The following ANKS1A variants were observed in gnomAD, a reference collection of about 807,000 sequenced individuals.
The protein encoded by ANKS1A is ankyrin repeat and sterile alpha motif domain containing 1A.
A neutral mutation model predicts 120.3 loss-of-function variants in ANKS1A; 55 were observed. That is an observed-to-expected ratio of 0.46 (90% confidence interval 0.37 to 0.57). The LOEUF (loss-of-function observed/expected upper bound fraction) is 0.57, where lower values mean the gene tolerates loss of function less well. ANKS1A is among the 20% of genes least tolerant of loss of function. The pLI is 0.00. For missense variants in ANKS1A, 1,123 were observed against 1,480.3 expected, an observed-to-expected ratio of 0.76 and a Z score of 3.96; for synonymous variants, 590 against 604.7, an observed-to-expected ratio of 0.98 and a Z score of 0.36.
chr6:34,898,018 G>A (rs930981594), intron 1 of ANKS1A, among the ~76,000 whole-genome samples: 1 of 152,044 alleles, frequency 6.6e-6, no homozygotes, highest in Non-Finnish European at 1.5e-5. Flanking sequence ...GGCCTGGGAT[G>A]GTGCCTATCT....
intron 1 of ANKS1A, among the ~76,000 whole-genome samples, chr6:34,896,392 C>G (rs1767085321): frequency 1.3e-5 from 2 of 152,060 alleles, no homozygotes; most frequent in Admixed American, 6.6e-5. Context: ...TTAAAATACT[C>G]CCTTTAAGTG....
intron 11 of ANKS1A, among the ~76,000 whole-genome samples, chr6:35,025,530 C>T (rs1362596738): frequency 1.3e-5 from 2 of 152,036 alleles, no homozygotes; most frequent in African/African-American, 2.4e-5. Flanking sequence ...AATGCACCCT[C>T]CCTGCTGCTG....
chr6:34,988,970 C>G (rs1772363766), intron 8 of ANKS1A, among the ~76,000 whole-genome samples: 1 of 152,166 alleles, frequency 6.6e-6, no homozygotes, highest in Middle Eastern at 3.2e-3. Flanking sequence ...TGGCATTTCT[C>G]ACTGTGGTCT....
At chr6:34,898,073 G>C (rs1255012182) in intron 1 of ANKS1A, among the ~76,000 whole-genome samples, 1 of 152,196 alleles carries the variant, frequency 6.6e-6, no homozygotes, top group Non-Finnish European at 1.5e-5. Context: ...GGCATATAAT[G>C]CCTGGCACAT....
Position 35,090,410 on chromosome 6 carries a change from G to A in ANKS1A, c.*1801G>A, listed in dbSNP as rs144619103. On this transcript the variant is annotated 3_prime_UTR_variant, in exon 24 of 24. Coordinates refer to ENST00000360359, the MANE Select transcript of ANKS1A (RefSeq NM_015245.3). ...AGTGGGCCTCTGTCGGGGGCGGGGCGGTAGGTCCGAAAGAAACCGCAGACA... is the reference window on the plus strand; with the variant it reads ...AGTGGGCCTCTGTCGGGGGCGGGGCAGTAGGTCCGAAAGAAACCGCAGACA... 7.7e-4 allele frequency: 932 copies of A among 1,205,306 alleles called. 7 individuals carry two copies. In the African/African-American group the frequency reaches 0.012, roughly 15 times the overall value. 74.7% of individuals were successfully genotyped at this position (1,205,306 alleles called of 1,614,324 possible).
chr6:35,024,631 A>G (rs1343964889), intron 11 of ANKS1A, among the ~76,000 whole-genome samples: 1 of 152,200 alleles, frequency 6.6e-6, no homozygotes, highest in Non-Finnish European at 1.5e-5. Context: ...TAGCTGAGGA[A>G]ACCCTTGGCT....
chr6:35,060,275 C>T lies in ANKS1A; in HGVS notation c.2184+22C>T, dbSNP rs1561946708. On this transcript the variant is annotated intron_variant, in intron 13 of 23. Coordinates refer to ENST00000360359, the MANE Select transcript of ANKS1A (RefSeq NM_015245.3). This position sits in a 1 kb window ranked among gnomAD's most constrained non-coding sequence, Gnocchi z 4.5. ...CCTGGTAAGTGGCTGCAGGCCTCCT[C>T]AATGGCAGGGTGCTGCTCAGTGGAA... 3 of 1,594,880 alleles carry T rather than the reference C, an allele frequency of 1.9e-6. No individual in the cohort carries two copies. The highest frequency in any genetic ancestry group is 1.7e-5 in the Admixed American group (1 of 57,732).
rs150950369 is a variant in ANKS1A at position 35,011,376 on chromosome 6, T to C, written c.1424-6097T>C. 6.0e-3 allele frequency among the ~76,000 whole-genome samples: 914 copies of C among 152,300 alleles called. 10 individuals are homozygous for C. The highest frequency in any genetic ancestry group is 0.021 in the African/African-American group (871 of 41,556). ...ATTAGGCATGGTTAGAAATCGTGGC[T>C]GGTTGGAAGCTGATCCAGGCAAAGC... On this transcript the variant is annotated intron_variant, in intron 10 of 23. Coordinates refer to ENST00000360359, the MANE Select transcript of ANKS1A (RefSeq NM_015245.3).
Position 35,085,887 on chromosome 6 carries a change from A to C in ANKS1A, c.3254A>C (p.Lys1085Thr). The change falls in exon 22 of 24, where the codon AAA (lysine) becomes ACA (threonine). Residue 1085 changes from lysine (K) to threonine (T), a missense_variant. This residue lies in a region of ANKS1A where 904 missense variants were observed against 1,130.4 expected (regional missense o/e 0.80). Transcript: ENST00000360359. The surrounding 1 kb of genome is among the most constrained non-coding windows in gnomAD (Gnocchi z 4.7). ...TCTGCAGCTGAGATGATTGAAACAA[A>C]ATCTTCCAAACCGGTGCCTAAGCCT... is the stretch of plus-strand genomic sequence containing the variant. ...GASAAEMIET[K>T]SSKPVPKPRV... The C allele has an allele frequency of 6.2e-7, 1 of 1,613,514 alleles. No homozygotes were observed. The highest frequency in any genetic ancestry group is 8.5e-7 in the Non-Finnish European group (1 of 1,179,832).
chr6:34,942,545 G>A (rs1769585348), intron 1 of ANKS1A, among the ~76,000 whole-genome samples: 1 of 152,224 alleles, frequency 6.6e-6, no homozygotes, highest in South Asian at 2.1e-4. Flanking sequence ...GATTTTGTAT[G>A]AATGCACCCA....
At chr6:34,945,561 G>A (rs1237923136) in intron 1 of ANKS1A, among the ~76,000 whole-genome samples, 4 of 152,012 alleles carry the variant, frequency 2.6e-5, no homozygotes, top group African/African-American at 9.7e-5. Flanking sequence ...TGCTTTCTGG[G>A]CTCTCTATTC....
At chr6:35,096,721 T>C in the ANKS1A span, among the ~76,000 whole-genome samples, 1 of 152,224 alleles carries the variant, frequency 6.6e-6, no homozygotes, top group African/African-American at 2.4e-5. Flanking sequence ...AGGATTATCT[T>C]TGCTCTTGAG....
chr6:34,985,366 C>T (rs747198866), intron 8 of ANKS1A, 88 bp downstream of exon 8: 2 of 1,340,754 alleles, frequency 1.5e-6, no homozygotes, highest in Non-Finnish European at 2.0e-6. Context: ...GAAGTGTGAT[C>T]CCTGGTGCCA....
chr6:35,020,278 G>A (rs115630225), intron 11 of ANKS1A, among the ~76,000 whole-genome samples: 2,416 of 152,282 alleles, frequency 0.016, 51 homozygotes, highest in African/African-American at 0.049. Flanking sequence ...TAAAAATACA[G>A]TGTAACAATT....
downstream of ANKS1A, among the ~76,000 whole-genome samples, chr6:35,096,196 T>C (rs553096037): frequency 6.6e-6 from 1 of 152,342 alleles, no homozygotes; most frequent in East Asian, 1.9e-4. Flanking sequence ...CCTGTAGGAT[T>C]CTCAGACTCC....
At chr6:34,922,398 G>A (rs776390207) in intron 1 of ANKS1A, among the ~76,000 whole-genome samples, 1 of 152,112 alleles carries the variant, frequency 6.6e-6, no homozygotes, top group African/African-American at 2.4e-5. Flanking sequence ...GTACTGTCAG[G>A]GCTGGAGATT....
intron 2 of ANKS1A, among the ~76,000 whole-genome samples, chr6:34,968,817 TTAGAG>T (rs774161658): frequency 1.3e-5 from 2 of 152,112 alleles, no homozygotes; most frequent in Non-Finnish European, 2.9e-5. Flanking sequence ...GCCCTCTACC[TTAGAG>T]TATTTTGTGT....
intron 13 of ANKS1A, 53 bp from the exon 14 acceptor site, chr6:35,078,505 G>T: frequency 1.9e-6 from 3 of 1,563,378 alleles, no homozygotes; most frequent in Non-Finnish European, 1.8e-6. Flanking sequence ...CCCCCTCAGG[G>T]CCACCAGCCA....
chr6:34,968,423 A>G (rs1345695504), intron 2 of ANKS1A, among the ~76,000 whole-genome samples: 1 of 152,054 alleles, frequency 6.6e-6, no homozygotes, highest in Non-Finnish European at 1.5e-5. Flanking sequence ...AAGTAGCAGC[A>G]GTGTCGTTTT....
Sources: allele counts gnomAD v4.1 joint callset (sites outside exome capture counted in the v4.1 genomes callset), GRCh38; gene constraint gnomAD v4.1.1; regional missense constraint gnomAD v4.1.1; non-coding constraint Gnocchi (gnomAD v3.1); transcripts MANE v1.5; gene names NCBI Gene and HGNC (gene_info 2026-07-23, HGNC 2026-07-21).